Variants in EPHA3 observed in about 807,000 individuals in gnomAD.
The protein encoded by EPHA3 is ephrin type-A receptor 3.
Under a neutral mutation model 107.1 loss-of-function variants are expected in EPHA3, and 42 were observed. The ratio of observed to expected loss-of-function variants is 0.39; its 90% CI spans 0.31 to 0.51. The LOEUF (loss-of-function observed/expected upper bound fraction) is 0.51. Ranked by LOEUF, EPHA3 falls within the 20% of genes least tolerant of loss-of-function variation. The pLI is 0.78. For missense variants in EPHA3, 1,183 were observed against 1,211.2 expected (o/e 0.98, Z 0.35); for synonymous variants, 461 against 424.8 (o/e 1.09, Z -1.05).
intron 10 of EPHA3, among the ~76,000 whole-genome samples, chr3:89,416,242 T>G (rs954068819): frequency 6.6e-6 from 1 of 151,348 alleles, no homozygotes; most frequent in African/African-American, 2.4e-5. Flanking sequence ...ATATACCTAT[T>G]TCAAAGAGCA....
intron 2 of EPHA3, among the ~76,000 whole-genome samples, chr3:89,192,628 C>G (rs1705747089): frequency 6.6e-6 from 1 of 152,000 alleles, no homozygotes; most frequent in Non-Finnish European, 1.5e-5. Flanking sequence ...ATAAAAATCT[C>G]TAAAATATAG....
At chr3:89,354,413 T>G (rs1346478506) in intron 5 of EPHA3, among the ~76,000 whole-genome samples, 1 of 151,146 alleles carries the variant, frequency 6.6e-6, no homozygotes, top group African/African-American at 2.4e-5. Context: ...TGAATAACCA[T>G]CATACAGCTC....
At chr3:89,288,342 A>G (rs1173575460) in intron 3 of EPHA3, among the ~76,000 whole-genome samples, 1 of 152,132 alleles carries the variant, frequency 6.6e-6, no homozygotes, top group Non-Finnish European at 1.5e-5. Context: ...AACTGGTAAT[A>G]TGCCTTCCTG....
At chr3:89,118,210 T>C (rs767098072) in intron 1 of EPHA3, among the ~76,000 whole-genome samples, 3 of 152,028 alleles carry the variant, frequency 2.0e-5, no homozygotes, top group Non-Finnish European at 4.4e-5. Flanking sequence ...ATGATTTGAT[T>C]GTCCTTGTTC....
chr3:89,372,106 A>G (rs1708317820), intron 5 of EPHA3, among the ~76,000 whole-genome samples: 2 of 151,692 alleles, frequency 1.3e-5, no homozygotes, highest in African/African-American at 4.8e-5. Flanking sequence ...ATCTGGTCTG[A>G]AACATTCCGA....
At chr3:89,161,620 T>C (rs1704944588) in intron 2 of EPHA3, among the ~76,000 whole-genome samples, 1 of 152,106 alleles carries the variant, frequency 6.6e-6, no homozygotes, top group African/African-American at 2.4e-5. Context: ...TATATACATA[T>C]AAAACAAAAA....
At chr3:89,474,141 G>A (rs1459008257) in intron 16 of EPHA3, among the ~76,000 whole-genome samples, 1 of 152,018 alleles carries the variant, frequency 6.6e-6, no homozygotes, top group Non-Finnish European at 1.5e-5. Context: ...ATAGATATAA[G>A]TGCCCAACAA....
chr3:89,221,758 A>G (rs1704382394), intron 3 of EPHA3, among the ~76,000 whole-genome samples: 1 of 152,186 alleles, frequency 6.6e-6, no homozygotes, highest in Admixed American at 6.5e-5. Flanking sequence ...GCCAGAATGT[A>G]AATTCAGGTC....
chr3:89,170,610 G>A (rs1188858723), intron 2 of EPHA3, among the ~76,000 whole-genome samples: 1 of 152,138 alleles, frequency 6.6e-6, no homozygotes, highest in African/African-American at 2.4e-5. Context: ...GACTACTCTT[G>A]CTATTGAAGT....
intron 3 of EPHA3, among the ~76,000 whole-genome samples, chr3:89,216,647 A>G (rs1229304853): frequency 6.6e-6 from 1 of 151,998 alleles, no homozygotes; most frequent in African/African-American, 2.4e-5. Context: ...CCACTTTGTT[A>G]AACAACTTCT....
At chr3:89,396,377 T>C (rs116073622) in intron 6 of EPHA3, among the ~76,000 whole-genome samples, 1,717 of 152,282 alleles carry the variant, frequency 0.011, 37 homozygotes, top group African/African-American at 0.039. Flanking sequence ...AGCAACATTG[T>C]GCTAGTAAGA....
At chr3:89,280,871 A>G (rs1191982210) in intron 3 of EPHA3, among the ~76,000 whole-genome samples, 1 of 152,132 alleles carries the variant, frequency 6.6e-6, no homozygotes, top group Non-Finnish European at 1.5e-5. Context: ...TCTGTGACGT[A>G]ATCATGATTC....
At chr3:89,185,906 C>G (rs914196816) in intron 2 of EPHA3, among the ~76,000 whole-genome samples, 1 of 151,662 alleles carries the variant, frequency 6.6e-6, no homozygotes, top group Non-Finnish European at 1.5e-5. Flanking sequence ...AGGAATAGCC[C>G]CTCATTGTCT....
intron 16 of EPHA3, among the ~76,000 whole-genome samples, chr3:89,476,451 G>A (rs1710509190): frequency 6.8e-6 from 1 of 147,660 alleles, no homozygotes; most frequent in South Asian, 2.1e-4. Flanking sequence ...ATAGCAAGCA[G>A]CACTCAGTAA....
intron 2 of EPHA3, among the ~76,000 whole-genome samples, chr3:89,197,441 T>TA (rs1314218040): frequency 1.6e-5 from 1 of 64,208 alleles, no homozygotes; most frequent in East Asian, 3.6e-4. Context: ...AAAAAAAAAA[T>TA]AAAAACATAA....
At chr3:89,210,656 G>A (rs1706255925) in intron 3 of EPHA3, 136 bp downstream of exon 3, 1 of 862,398 alleles carries the variant, frequency 1.2e-6, no homozygotes, top group Non-Finnish European at 1.7e-6. Context: ...GTCTATTTAT[G>A]GACTAAAATT....
Position 89,472,514 on chromosome 3 carries a change from G to C in EPHA3, c.2741G>C (p.Arg914Pro), listed in dbSNP as rs17801309. Residue 914 changes from arginine to proline, a missense_variant, in exon 16 of 17, where the codon CGC (arginine) becomes CCC (proline). By Grantham distance (103) the Arg-to-Pro change is moderately radical (BLOSUM62 -2). Coordinates refer to ENST00000336596, the MANE Select transcript of EPHA3 (RefSeq NM_005233.6). ...AGCAATGTGGATATCACTACCTTCC[G>C]CACAACAGGTGACTGGCTTAATGGT... is the stretch of plus-strand genomic sequence containing the variant. The part of the protein sequence containing the change: ...DQSNVDITTF[R>P]TTGDWLNGVW... 45 of 1,613,694 alleles carry C rather than the reference G, an allele frequency of 2.8e-5. No homozygotes were observed. The highest frequency in any genetic ancestry group is 3.6e-5 in the Non-Finnish European group (42 of 1,179,928).
chr3:89,398,896 G>A (rs776957605), intron 6 of EPHA3, among the ~76,000 whole-genome samples: 5 of 152,212 alleles, frequency 3.3e-5, no homozygotes, highest in East Asian at 1.9e-4. Context: ...TTGGGCGGCC[G>A]AGGCAGGTGG....
At chr3:89,438,806 CA>C in intron 13 of EPHA3, among the ~76,000 whole-genome samples, 1 of 152,246 alleles carries the variant, frequency 6.6e-6, no homozygotes, top group Non-Finnish European at 1.5e-5. Context: ...AAAATACAGC[CA>C]CTTATTCAAT....
Sources: allele counts gnomAD v4.1 joint callset (sites outside exome capture counted in the v4.1 genomes callset), GRCh38; gene constraint gnomAD v4.1.1; transcripts MANE v1.5; gene names NCBI Gene and HGNC (gene_info 2026-07-23, HGNC 2026-07-21).